The following GRM5 variants were observed in gnomAD, a reference collection of about 807,000 sequenced individuals.
The protein encoded by GRM5 is glutamate metabotropic receptor 5, also known as metabotropic glutamate receptor 5.
A neutral mutation model predicts 83.1 loss-of-function variants in GRM5; 19 were observed. That is an observed-to-expected ratio of 0.23 (90% confidence interval 0.16 to 0.34). The LOEUF is 0.34. Among genes scored for constraint, GRM5 ranks in the 10% least tolerant of loss-of-function variants. The pLI is 1.00. For synonymous variants in GRM5, 675 were observed against 633.6 expected, an observed-to-expected ratio of 1.07 and a Z score of -0.98; for missense variants, 1,160 against 1,588.3, an observed-to-expected ratio of 0.73 and a Z score of 4.58.
At chr11:88,804,299 A>T (rs1036624885) in intron 3 of GRM5, among the ~76,000 whole-genome samples, 1 of 147,186 alleles carries the variant, frequency 6.8e-6, no homozygotes, top group Non-Finnish European at 1.5e-5. Context: ...ATGTCCAACA[A>T]TGATAGACTG....
chr11:88,569,095 T>C (rs1456999883), intron 7 of GRM5, among the ~76,000 whole-genome samples: 1 of 152,232 alleles, frequency 6.6e-6, no homozygotes, highest in East Asian at 1.9e-4. Flanking sequence ...TATATATACA[T>C]ATTTACACAC....
chr11:88,581,043 G>C (rs1266192167), intron 7 of GRM5, among the ~76,000 whole-genome samples: 1 of 152,150 alleles, frequency 6.6e-6, no homozygotes, highest in Admixed American at 6.6e-5. Context: ...GGGAGGCGGA[G>C]GTTGCAGTGA....
intron 4 of GRM5, chr11:88,612,999 AC>A (rs1199944947): frequency 6.6e-6 from 1 of 152,084 alleles, no homozygotes; most frequent in African/African-American, 2.4e-5. Flanking sequence ...ATGTAACTGT[AC>A]GGTTTTGATA....
chr11:88,607,634 C>T (rs945239629), intron 4 of GRM5, among the ~76,000 whole-genome samples: 12 of 152,166 alleles, frequency 7.9e-5, no homozygotes, highest in East Asian at 1.9e-4. Context: ...CATACAGGAG[C>T]GTGCCTCATG....
intron 2 of GRM5, among the ~76,000 whole-genome samples, chr11:88,865,819 C>T (rs114907880): frequency 0.025 from 3,878 of 152,184 alleles, 181 homozygotes; most frequent in African/African-American, 0.089. Flanking sequence ...CTCATCGTCA[C>T]TGGTCGTTAG....
intron 2 of GRM5, among the ~76,000 whole-genome samples, chr11:88,902,977 A>AG (rs1565284964): frequency 2.0e-5 from 3 of 149,148 alleles, no homozygotes; most frequent in Non-Finnish European, 4.5e-5. Context: ...AAAAAAAAAA[A>AG]AAGCAAAGAA....
rs201527117 is a variant in GRM5, at chr11:88,778,531, G to GCAT, written c.911+71372_911+71374dup. 7.9e-3 allele frequency among the ~76,000 whole-genome samples: 1,201 copies of GCAT among 152,260 alleles called. 16 individuals are homozygous for GCAT. Among genetic ancestry groups the GCAT allele is most frequent in the African/African-American group, 0.027 (1,140 of 41,566 alleles). On this transcript the variant is annotated intron_variant, in intron 3 of 9. Transcript: ENST00000305447. ...GAAATGCAGAAATCACCCGTCTTCT[G>GCAT]CATCGATCACATTAGGAGATGCAGA...
At chr11:89,026,521 T>G (rs1262209731) in intron 2 of GRM5, among the ~76,000 whole-genome samples, 1 of 152,182 alleles carries the variant, frequency 6.6e-6, no homozygotes, top group African/African-American at 2.4e-5. Flanking sequence ...AAATAAAATT[T>G]TGTCTCAAGT....
intron 1 of GRM5, among the ~76,000 whole-genome samples, chr11:89,059,612 A>G (rs559254562): frequency 7.2e-5 from 11 of 152,264 alleles, no homozygotes; most frequent in Non-Finnish European, 1.5e-4. Flanking sequence ...ATGTTTTATC[A>G]TTAAAGTCAT....
chr11:88,859,933 A>G (rs1944533642), intron 2 of GRM5, among the ~76,000 whole-genome samples: 2 of 152,184 alleles, frequency 1.3e-5, no homozygotes, highest in South Asian at 4.1e-4. Flanking sequence ...TACAAAATAC[A>G]CAACGCTTAA....
chr11:88,720,828 G>A (rs1941520400), intron 3 of GRM5, among the ~76,000 whole-genome samples: 1 of 151,078 alleles, frequency 6.6e-6, no homozygotes, highest in Admixed American at 6.6e-5. Flanking sequence ...GTGCGTGTGT[G>A]TGTGTGTGTG....
intron 3 of GRM5, among the ~76,000 whole-genome samples, chr11:88,805,922 T>C (rs973292195): frequency 3.9e-5 from 6 of 152,214 alleles, no homozygotes; most frequent in East Asian, 1.9e-4. Context: ...GATCAAGGCT[T>C]CTATTTCTAT....
At chr11:88,723,701 T>A (rs1660761146) in intron 3 of GRM5, among the ~76,000 whole-genome samples, 1 of 152,036 alleles carries the variant, frequency 6.6e-6, no homozygotes, top group Admixed American at 6.6e-5. Context: ...TAAACAGCAG[T>A]GTCAACCTTT....
At chr11:89,020,522 A>T (rs887716360) in intron 2 of GRM5, among the ~76,000 whole-genome samples, 1 of 152,094 alleles carries the variant, frequency 6.6e-6, no homozygotes, top group African/African-American at 2.4e-5. Context: ...AAACTATAAC[A>T]CTGTTAGAGG....
chr11:88,873,004 GAAGT>G (rs1362921216), intron 2 of GRM5, among the ~76,000 whole-genome samples: 1 of 150,072 alleles, frequency 6.7e-6, no homozygotes, highest in Non-Finnish European at 1.5e-5. Flanking sequence ...GACTGAAAGT[GAAGT>G]AAGGAATGAA....
At chr11:88,791,561 A>G (rs1465598017) in intron 3 of GRM5, among the ~76,000 whole-genome samples, 1 of 152,156 alleles carries the variant, frequency 6.6e-6, no homozygotes, top group African/African-American at 2.4e-5. Context: ...TGGAAATTTC[A>G]TTGATAACTT....
At chr11:88,812,775 G>A (rs1427667046) in intron 3 of GRM5, among the ~76,000 whole-genome samples, 2 of 152,012 alleles carry the variant, frequency 1.3e-5, no homozygotes, top group Non-Finnish European at 2.9e-5. Flanking sequence ...AGAAAACTTT[G>A]AGCTCCAAGA....
intron 3 of GRM5, among the ~76,000 whole-genome samples, chr11:88,673,774 A>T (rs1403114445): frequency 1.3e-5 from 2 of 151,674 alleles, no homozygotes; most frequent in Non-Finnish European, 2.9e-5. Context: ...GTTTAGGGAG[A>T]TGTATTGAGT....
intron 7 of GRM5, among the ~76,000 whole-genome samples, chr11:88,568,891 G>T (rs916260112): frequency 2.0e-5 from 3 of 152,102 alleles, no homozygotes; most frequent in African/African-American, 7.2e-5. Context: ...CAAACAATTG[G>T]CAGGCAAGGG....
Sources: allele counts gnomAD v4.1 joint callset (sites outside exome capture counted in the v4.1 genomes callset), GRCh38; gene constraint gnomAD v4.1.1; transcripts MANE v1.5; gene names NCBI Gene and HGNC (gene_info 2026-07-23, HGNC 2026-07-21).